SPTAN1: variants seen among roughly 807,000 people sequenced by gnomAD.
SPTAN1 encodes spectrin alpha, non-erythrocytic 1, also known as spectrin alpha chain, non-erythrocytic 1.
In SPTAN1, 61 loss-of-function variants were observed where a neutral mutation model predicts 331.3. The ratio of observed to expected loss-of-function variants is 0.18; its 90% confidence interval spans 0.15 to 0.23. The LOEUF is 0.23. Ranked by LOEUF, SPTAN1 falls within the 10% of genes least tolerant of loss-of-function variation. SPTAN1 has a pLI of 1.00. For missense variants in SPTAN1, 2,043 were observed against 3,147.9 expected (o/e 0.65, Z 8.40); for synonymous variants, 1,153 against 1,173.9 (o/e 0.98, Z 0.36).
intron 45 of SPTAN1, among the ~76,000 whole-genome samples, chr9:128,623,460 C>T (rs1023820032): frequency 6.7e-6 from 1 of 149,794 alleles, no homozygotes; most frequent in Non-Finnish European, 1.5e-5. Flanking sequence ...TCAGCCCATT[C>T]GTTTTTTTTG....
At chr9:128,615,394 A>G (rs1259521562) in intron 40 of SPTAN1, among the ~76,000 whole-genome samples, 1 of 152,182 alleles carries the variant, frequency 6.6e-6, no homozygotes, top group Non-Finnish European at 1.5e-5. Flanking sequence ...CTAAAGCACC[A>G]GCATGTCCCC....
chr9:128,587,735 G>A, intron 20 of SPTAN1, 37 bp downstream of exon 20: 1 of 1,581,802 alleles, frequency 6.3e-7, no homozygotes, highest in Non-Finnish European at 8.7e-7. Context: ...CTGGAGGGAG[G>A]CCTTGAAGGA....
chr9:128,608,182 C>A lies in SPTAN1; in HGVS notation c.4397C>A (p.Ala1466Asp), dbSNP rs1856140147. 6.2e-7 allele frequency: 1 copy of A among 1,613,998 alleles called. No individual in the cohort carries two copies. Among genetic ancestry groups the A allele is most frequent in the Non-Finnish European group, 8.5e-7 (1 of 1,180,030 alleles). ...QAENWMAARE[A>D]FLNTEDKGDS... ...GAGAACTGGATGGCTGCCCGGGAGG[C>A]CTTCTTGAATACCGAAGACAAAGGA... The change falls in exon 34 of 57, where the codon GCC (alanine) becomes GAC (aspartate). Residue 1466 changes from alanine to aspartate, a missense_variant. Transcript: ENST00000372739.
chr9:128,576,938 A>C lies in SPTAN1; in HGVS notation c.767A>C (p.Glu256Ala), dbSNP rs769281608. 4.3e-6 allele frequency: 7 copies of C among 1,614,022 alleles called. No homozygotes were observed. Residue 256 changes from glutamate (E) to alanine (A), a missense_variant, in exon 6 of 57, where the codon GAA (glutamate) becomes GCA (alanine). Around this residue, in one of 12 missense-constraint regions of SPTAN1, gnomAD observed 1,038 missense variants for 1,531.5 expected, o/e 0.68. Transcript: ENST00000372739. ...CAGGGGAAGCTCTTTGGGGCAGCAGAAGTTCAGCGCTTTAACAGGTGTCAA... is the reference window on the plus strand; with the variant it reads ...CAGGGGAAGCTCTTTGGGGCAGCAGCAGTTCAGCGCTTTAACAGGTGTCAA... ...QRQGKLFGAA[E>A]VQRFNRDVDE...
In SPTAN1 at chr9:128,630,159, T is replaced by C; in HGVS notation, c.6708-162T>C. ...AGAAATGCTCCCTGCCATCCCTCGA[T>C]CCCTGGGGCCCATTAGGTAAAGATG... On this transcript the variant is annotated intron_variant, in intron 51 of 56. Transcript: ENST00000372739. 8.6e-6 allele frequency: 7 copies of C among 812,952 alleles called. No individual in the cohort carries two copies. The Middle Eastern group carries it at 1.6e-3, about 182-fold the overall frequency. 50.4% of individuals were successfully genotyped at this position (812,952 alleles called of 1,614,324 possible). A position where few individuals can be genotyped will look rare whatever the true frequency, so the allele number is the denominator to read the frequency against.
At chr9:128,617,427 G>A (rs1417579086) in intron 41 of SPTAN1, among the ~76,000 whole-genome samples, 4 of 152,044 alleles carry the variant, frequency 2.6e-5, no homozygotes, top group Admixed American at 1.3e-4. Context: ...TCCAGAATCC[G>A]GACACACAGC....
chr9:128,560,495 C>T (rs113283272), intron 1 of SPTAN1, among the ~76,000 whole-genome samples: 23,893 of 151,870 alleles, frequency 0.16, 2,405 homozygotes, highest in East Asian at 0.44. Context: ...ATTCTCCAGC[C>T]CCAGCCTCCT....
At chr9:128,571,087 A>G (rs1217707672) in intron 3 of SPTAN1, among the ~76,000 whole-genome samples, 1 of 152,150 alleles carries the variant, frequency 6.6e-6, no homozygotes, top group Non-Finnish European at 1.5e-5. Context: ...CAGGAGTTCA[A>G]AACCAGCCTG....
intron 45 of SPTAN1, chr9:128,621,530 A>G: frequency 1.8e-6 from 1 of 543,742 alleles, no homozygotes; most frequent in Non-Finnish European, 3.3e-6. Flanking sequence ...TTCTCAAGCA[A>G]TACAGTCTCT....
chr9:128,570,235 C>T (rs140055147), intron 3 of SPTAN1, among the ~76,000 whole-genome samples: 151 of 149,756 alleles, frequency 1.0e-3, no homozygotes, highest in African/African-American at 3.5e-3. Context: ...GTAATTAAGG[C>T]GGAAGGGAGG....
intron 40 of SPTAN1, among the ~76,000 whole-genome samples, chr9:128,614,881 C>T (rs1460924184): frequency 6.6e-6 from 1 of 152,184 alleles, no homozygotes; most frequent in Admixed American, 6.5e-5. Context: ...GAATGTAGCT[C>T]TTACCTGTGC....
chr9:128,598,604 A>G (rs953012283), intron 25 of SPTAN1, 100 bp downstream of exon 25: 36 of 1,053,406 alleles, frequency 3.4e-5, no homozygotes, highest in Non-Finnish European at 4.8e-5. Context: ...TTCATAACAC[A>G]GAACTGTGGC....
intron 25 of SPTAN1, 158 bp from the exon 26 acceptor site, chr9:128,598,805 A>G (rs1227578512): frequency 1.7e-5 from 12 of 705,184 alleles, no homozygotes; most frequent in African/African-American, 1.4e-4. Context: ...GAAAAAGTTT[A>G]TATATAAATA....
At chr9:128,583,032 G>A (rs2131136298) in intron 14 of SPTAN1, 45 bp from the exon 15 acceptor site, 7 of 1,601,252 alleles carry the variant, frequency 4.4e-6, no homozygotes, top group Non-Finnish European at 4.3e-6. Flanking sequence ...GGAACTTGAC[G>A]TTCTCAGGTT....
chr9:128,553,200 C>G (rs1310695413), intron 1 of SPTAN1: 1 of 152,298 alleles, frequency 6.6e-6, no homozygotes, highest in Non-Finnish European at 1.5e-5. Flanking sequence ...CCCGGGGAGC[C>G]CGAGCATAGC....
At position 128,607,781 on chromosome 9, in the gene SPTAN1, G is replaced by C. The variant is rs542875829; in HGVS notation, c.4147-71G>C. ...TAGAGGCCTCATTCCCACCCTTTGT[G>C]GTGAGTCGGTGGTTGACGTCAGAGT... On this transcript the variant is annotated intron_variant, in intron 32 of 56. Coordinates refer to ENST00000372739, the MANE Select transcript of SPTAN1 (RefSeq NM_001130438.3). 363 of 1,610,810 alleles carry C rather than the reference G, an allele frequency of 2.3e-4. 3 individuals are homozygous for C. The African/African-American group carries it at 4.5e-3, about 20-fold the overall frequency.
intron 21 of SPTAN1, among the ~76,000 whole-genome samples, chr9:128,590,589 C>T (rs7867498): frequency 0.73 from 106,914 of 146,760 alleles, 42,560 homozygotes; most frequent in Non-Finnish European, 0.9. Context: ...TGGTGGTTCA[C>T]GCCTATAATA....
rs375772117 is a variant in SPTAN1 at position 128,630,315 on chromosome 9, G to A, written c.6708-6G>A. ...GCCCCTTTCCTCACTGTCCTTCCACGTTTAGGTCCTGTATGGTGGAAGAGT... is the reference window on the plus strand; with the variant it reads ...GCCCCTTTCCTCACTGTCCTTCCACATTTAGGTCCTGTATGGTGGAAGAGT... On this transcript the variant is annotated splice_region_variant and splice_polypyrimidine_tract_variant and intron_variant, in intron 51 of 56. Coordinates refer to ENST00000372739, the MANE Select transcript of SPTAN1 (RefSeq NM_001130438.3). 1.1e-5 allele frequency: 18 copies of A among 1,613,636 alleles called. No individual in the cohort carries two copies. The highest frequency in any genetic ancestry group is 1.1e-4 in the East Asian group (5 of 44,896).
intron 1 of SPTAN1, among the ~76,000 whole-genome samples, chr9:128,555,746 GT>G (rs1848569392): frequency 6.7e-6 from 1 of 149,798 alleles, no homozygotes; most frequent in South Asian, 2.1e-4. Flanking sequence ...TGGCTACTTG[GT>G]TTTTAAGAAC....
Sources: gnomAD v4.1 joint callset for allele counts (sites outside exome capture counted in the v4.1 genomes callset) on GRCh38, gnomAD v4.1.1 for gene constraint, gnomAD v4.1.1 regional missense constraint, MANE v1.5 for transcripts, NCBI Gene and HGNC (gene_info 2026-07-23, HGNC 2026-07-21) for gene names.